Variants in SFMBT2 observed in about 807,000 individuals in gnomAD.
SFMBT2 encodes scm-like with four MBT domains protein 2.
In SFMBT2, 38 loss-of-function variants were observed where a neutral mutation model predicts 110.1. That is an observed-to-expected ratio of 0.35 (90% confidence interval 0.27 to 0.45). SFMBT2 has a LOEUF of 0.45. SFMBT2 is among the 20% of genes least tolerant of loss of function. The pLI is 1.00. For synonymous variants in SFMBT2, 425 were observed against 425.4 expected (o/e 1.00, Z 0.01); for missense variants, 1,011 against 1,094.9 (o/e 0.92, Z 1.08).
intron 4 of SFMBT2, among the ~76,000 whole-genome samples, chr10:7,300,226 A>T (rs1842519810): frequency 6.6e-6 from 1 of 151,964 alleles, no homozygotes; most frequent in Non-Finnish European, 1.5e-5. Context: ...CAGGTACAGC[A>T]AACCACCATG....
chr10:7,364,641 C>G (rs11591279), intron 4 of SFMBT2, among the ~76,000 whole-genome samples: 221 of 152,344 alleles, frequency 1.5e-3, no homozygotes, highest in Middle Eastern at 6.8e-3. Flanking sequence ...TTTCCAAGGG[C>G]CTTTCAAGAT....
In SFMBT2 at chr10:7,171,733, G is replaced by A. The variant is rs189263063; in HGVS notation, c.2415+162C>T. On this transcript the variant is annotated intron_variant, in intron 19 of 20. Transcript: ENST00000397167. The surrounding 1 kb of genome is among the most constrained non-coding windows in gnomAD (Gnocchi z 4.9). ...ATGCCGAAAGGCCCCTCCACCCAGA[G>A]GTGAAGTGCCAGCCTTTGTTCCTGA... Among the ~76,000 whole-genome samples the A allele has an allele frequency of 5.4e-4, 82 of 152,346 alleles. No individual in the cohort carries two copies. The highest frequency in any genetic ancestry group is 1.1e-3 in the Non-Finnish European group (73 of 68,024).
chr10:7,327,667 C>T (rs896746438), intron 4 of SFMBT2, among the ~76,000 whole-genome samples: 4 of 146,678 alleles, frequency 2.7e-5, no homozygotes, highest in Middle Eastern at 3.5e-3. Flanking sequence ...GGAGACAGAG[C>T]GAGACTCTAA....
At chr10:7,206,134 A>G (rs1253132264) in intron 11 of SFMBT2, 1 of 985,326 alleles carries the variant, frequency 1.0e-6, no homozygotes, top group Admixed American at 6.1e-5. Context: ...CTTGAAATAT[A>G]AAAAGGCAGG....
intron 4 of SFMBT2, among the ~76,000 whole-genome samples, chr10:7,353,346 T>C (rs117699647): frequency 0.016 from 2,387 of 152,312 alleles, 19 homozygotes; most frequent in Non-Finnish European, 0.027. Context: ...CTGTCAGCTC[T>C]TGTTTTCCTA....
intron 4 of SFMBT2, among the ~76,000 whole-genome samples, chr10:7,294,762 A>C (rs984424239): frequency 6.6e-6 from 1 of 152,210 alleles, no homozygotes; most frequent in Admixed American, 6.5e-5. Context: ...CATCATCCCC[A>C]GTGCTCTCCG....
At chr10:7,195,761 C>A (rs1382595611) in intron 15 of SFMBT2, among the ~76,000 whole-genome samples, 1 of 152,178 alleles carries the variant, frequency 6.6e-6, no homozygotes, top group African/African-American at 2.4e-5. Context: ...CCGGTGTGAT[C>A]TCACAGTGTG....
intron 12 of SFMBT2, chr10:7,203,446 G>T: frequency 4.1e-6 from 1 of 241,180 alleles, no homozygotes; most frequent in Non-Finnish European, 6.7e-6. Context: ...CCCTGGGAAA[G>T]AGCCAAGCAC....
rs778308051 is a variant in SFMBT2, at chr10:7,276,966, A to G, written c.796T>C (p.Ser266Pro). The change falls in exon 7 of 21, where the codon TCT becomes CCT. Residue 266 changes from serine (S) to proline (P), a missense_variant. Coordinates refer to ENST00000397167, the MANE Select transcript of SFMBT2 (RefSeq NM_001387889.1). The stretch of plus-strand genomic sequence containing the variant: ...TTTTCCAGAGTACATTTCCATTCAG[A>G]GGCCATCTTCAAAGGATAGATTTCT... ...PSEIYPLKMA[S>P]EWKCTLEKSL... 3.4e-6 allele frequency: 3 copies of G among 872,844 alleles called. No individual in the cohort carries two copies. Among genetic ancestry groups the G allele is most frequent in the Non-Finnish European group, 6.0e-6 (3 of 501,588 alleles). 54.1% of individuals were successfully genotyped at this position (872,844 alleles called of 1,614,324 possible). A position where few individuals can be genotyped will look rare whatever the true frequency, so the allele number is the denominator to read the frequency against.
chr10:7,229,634 A>T (rs182401985), intron 9 of SFMBT2, among the ~76,000 whole-genome samples: 1 of 151,398 alleles, frequency 6.6e-6, no homozygotes, highest in East Asian at 1.9e-4. Flanking sequence ...CAAGACACTG[A>T]AGATACTGGT....
rs547267621 is a variant in SFMBT2 at position 7,301,155 on chromosome 10, C to G, written c.437-15201G>C. ...AGGCAGTTGAGAACCATGCCTGCAA[C>G]GAACAGAAGTTCCTTCACTGAAAGT... is the stretch of plus-strand genomic sequence containing the variant. On this transcript the variant is annotated intron_variant, in intron 4 of 20. Coordinates refer to ENST00000397167, the MANE Select transcript of SFMBT2 (RefSeq NM_001387889.1). This position sits in a 1 kb window ranked among gnomAD's most constrained non-coding sequence, Gnocchi z 4.2. 6.6e-6 allele frequency among the ~76,000 whole-genome samples: 1 copy of G among 152,026 alleles called. No homozygotes were observed. The highest frequency in any genetic ancestry group is 6.5e-5 in the Admixed American group (1 of 15,272).
At chr10:7,391,250 G>A (rs1329622977) in intron 1 of SFMBT2, among the ~76,000 whole-genome samples, 4 of 151,786 alleles carry the variant, frequency 2.6e-5, no homozygotes, top group Non-Finnish European at 5.9e-5. Context: ...GGTGGATCAC[G>A]AGGTCAGGAG....
Position 7,254,223 on chromosome 10 carries a change from G to A in SFMBT2, c.871-5574C>T, listed in dbSNP as rs77839198. ...GATGACAAAAACCCAATGATGTCTT[G>A]ACATCCATTCCGATCCTATATTCTA... On this transcript the variant is annotated intron_variant, in intron 7 of 20. Coordinates refer to ENST00000397167, the MANE Select transcript of SFMBT2 (RefSeq NM_001387889.1). Among the ~76,000 whole-genome samples the A allele has an allele frequency of 9.2e-4, 140 of 152,188 alleles. 1 individual carries two copies. Among genetic ancestry groups the A allele is most frequent in the African/African-American group, 3.3e-3 (136 of 41,532 alleles).
rs1017746359 is a variant in SFMBT2, at chr10:7,247,703, C to A, written c.972+845G>T. 6.8e-4 allele frequency among the ~76,000 whole-genome samples: 103 copies of A among 152,158 alleles called. 1 individual carries two copies. Among genetic ancestry groups the A allele is most frequent in the African/African-American group, 2.4e-3 (98 of 41,420 alleles). On this transcript the variant is annotated intron_variant, in intron 8 of 20. Transcript: ENST00000397167. The stretch of plus-strand genomic sequence containing the variant: ...ACAGATTTAAATCTTTAATTAAATT[C>A]TCCTAGTGAAGTACACAAAAGACCA...
At chr10:7,379,889 T>C (rs923635486) in intron 2 of SFMBT2, among the ~76,000 whole-genome samples, 1 of 152,160 alleles carries the variant, frequency 6.6e-6, no homozygotes, top group Non-Finnish European at 1.5e-5. Context: ...TCGGTACAAA[T>C]CATTTTCCCG....
chr10:7,257,098 AAGGGGAGGGG>A (rs71382096), intron 7 of SFMBT2, among the ~76,000 whole-genome samples: 8 of 74,764 alleles, frequency 1.1e-4, no homozygotes, highest in South Asian at 7.6e-4. Context: ...TTGGAAAGGG[AAGGGGAGGGG>A]AGGGGAGGGG....
intron 6 of SFMBT2, among the ~76,000 whole-genome samples, chr10:7,282,261 C>T (rs1425728384): frequency 1.3e-5 from 2 of 152,238 alleles, no homozygotes; most frequent in African/African-American, 4.8e-5. Context: ...ATTTCCTAAG[C>T]TTCCACGGAG....
At chr10:7,219,679 A>G in intron 11 of SFMBT2, 1 of 361,976 alleles carries the variant, frequency 2.8e-6, no homozygotes, top group Non-Finnish European at 3.8e-6. Flanking sequence ...TATACTTGAA[A>G]TAACTACTGA....
chr10:7,180,485 A>G (rs1480648352), intron 16 of SFMBT2, among the ~76,000 whole-genome samples: 1 of 152,060 alleles, frequency 6.6e-6, no homozygotes, highest in African/African-American at 2.4e-5. Context: ...CCCTTCCCAG[A>G]AGGGCCCCAT....
Sources: gnomAD v4.1 joint callset for allele counts (sites outside exome capture counted in the v4.1 genomes callset) on GRCh38, gnomAD v4.1.1 for gene constraint, Gnocchi (gnomAD v3.1) non-coding constraint, MANE v1.5 for transcripts, NCBI Gene and HGNC (gene_info 2026-07-23, HGNC 2026-07-21) for gene names.